Variants in PDLIM5 observed in about 807,000 individuals in gnomAD.
The protein encoded by PDLIM5 is PDZ and LIM domain 5, also known as PDZ and LIM domain protein 5.
A neutral mutation model predicts 64.2 loss-of-function variants in PDLIM5; 34 were observed. The observed-to-expected ratio is 0.53, with a 90% CI of 0.40 to 0.71. The LOEUF is 0.71. PDLIM5 is among the 30% of genes least tolerant of loss of function. The pLI is 0.00. For synonymous variants in PDLIM5, 253 were observed against 269.1 expected (o/e 0.94, Z 0.59); for missense variants, 683 against 733.6 (o/e 0.93, Z 0.80).
intron 2 of PDLIM5, among the ~76,000 whole-genome samples, chr4:94,476,791 C>T (rs192584934): frequency 1.8e-4 from 27 of 152,212 alleles, no homozygotes; most frequent in African/African-American, 5.1e-4. Context: ...GGGTTCAAAT[C>T]GCAGTAGGGA....
At chr4:94,579,292 T>G (rs536709506) in intron 5 of PDLIM5, 1 of 296,164 alleles carries the variant, frequency 3.4e-6, no homozygotes, top group African/African-American at 2.2e-5. Context: ...ATTGCTGTTT[T>G]GCATCAAGTA....
intron 3 of PDLIM5, among the ~76,000 whole-genome samples, chr4:94,531,944 G>GA (rs35499595): frequency 4.6e-5 from 7 of 151,222 alleles, no homozygotes; most frequent in African/African-American, 1.7e-4. Flanking sequence ...AAAAGGGGGG[G>GA]AAAGCTTATA....
chr4:94,456,490 G>A lies in PDLIM5; in HGVS notation c.96+1106G>A, dbSNP rs888757133. ...TAAGATTACAGGCGTGAGCCACCGT[G>A]CCTGGCCCACACTGTTTTATACTTT... On this transcript the variant is annotated intron_variant, in intron 2 of 12. Coordinates refer to ENST00000317968, the MANE Select transcript of PDLIM5 (RefSeq NM_006457.5). 11 of 702,934 alleles carry A rather than the reference G, an allele frequency of 1.6e-5. No homozygotes were observed. In the African/African-American group the frequency reaches 1.6e-4, roughly 10 times the overall value. 43.5% of individuals were successfully genotyped at this position (702,934 alleles called of 1,614,324 possible).
chr4:94,609,900 C>T (rs77107413), intron 7 of PDLIM5, among the ~76,000 whole-genome samples: 6,170 of 152,260 alleles, frequency 0.041, 163 homozygotes, highest in Admixed American at 0.054. Context: ...AATAGGAATA[C>T]AGTCAGTGAA....
At chr4:94,484,039 T>A (rs1180962076) in intron 2 of PDLIM5, among the ~76,000 whole-genome samples, 2 of 152,218 alleles carry the variant, frequency 1.3e-5, no homozygotes, top group African/African-American at 4.8e-5. Context: ...GTTTCCTGCA[T>A]GTCTCCAGAA....
chr4:94,639,145 T>A (rs1578520901), intron 8 of PDLIM5, among the ~76,000 whole-genome samples: 1 of 152,098 alleles, frequency 6.6e-6, no homozygotes, highest in African/African-American at 2.4e-5. Flanking sequence ...GCATTACCGA[T>A]GGTGAAAACA....
chr4:94,576,484 A>G (rs1359492306), intron 5 of PDLIM5, among the ~76,000 whole-genome samples: 1 of 152,216 alleles, frequency 6.6e-6, no homozygotes, highest in Non-Finnish European at 1.5e-5. Flanking sequence ...CTAGGAGGTA[A>G]TCTTAGGAAA....
intron 7 of PDLIM5, among the ~76,000 whole-genome samples, chr4:94,589,710 C>G (rs560488191): frequency 1.8e-3 from 276 of 151,362 alleles, no homozygotes; most frequent in African/African-American, 6.4e-3. Flanking sequence ...TTCAACCTTT[C>G]TTTCTCTCTT....
chr4:94,609,605 C>A (rs1738198977), intron 7 of PDLIM5, among the ~76,000 whole-genome samples: 1 of 152,094 alleles, frequency 6.6e-6, no homozygotes, highest in Non-Finnish European at 1.5e-5. Flanking sequence ...CATAGCTTTA[C>A]TCTCAATATT....
chr4:94,482,041 A>G (rs112414934), intron 2 of PDLIM5, among the ~76,000 whole-genome samples: 1,803 of 151,164 alleles, frequency 0.012, 42 homozygotes, highest in African/African-American at 0.041. Context: ...AAAGTGTTAT[A>G]TTTTCTACTT....
At chr4:94,569,836 T>G (rs1395247045) in intron 3 of PDLIM5, among the ~76,000 whole-genome samples, 1 of 152,208 alleles carries the variant, frequency 6.6e-6, no homozygotes, top group Non-Finnish European at 1.5e-5. Flanking sequence ...ACAAAATGCT[T>G]TCTTTCTTAG....
chr4:94,478,299 T>C (rs555556941), intron 2 of PDLIM5, among the ~76,000 whole-genome samples: 13 of 150,382 alleles, frequency 8.6e-5, no homozygotes, highest in Admixed American at 2.0e-4. Flanking sequence ...ATATATATAA[T>C]GCAAAATACA....
chr4:94,609,706 A>T (rs1487868000), intron 7 of PDLIM5, among the ~76,000 whole-genome samples: 2 of 152,278 alleles, frequency 1.3e-5, no homozygotes, highest in East Asian at 3.9e-4. Flanking sequence ...CATAAGTCGT[A>T]TTAAAATGTC....
At chr4:94,589,193 T>C (rs1736484142) in intron 7 of PDLIM5, among the ~76,000 whole-genome samples, 1 of 152,162 alleles carries the variant, frequency 6.6e-6, no homozygotes, top group Admixed American at 6.5e-5. Flanking sequence ...AAACATGGTA[T>C]TTTCCACCAA....
intron 9 of PDLIM5, among the ~76,000 whole-genome samples, chr4:94,649,831 T>TA (rs948203662): frequency 5.3e-5 from 8 of 152,246 alleles, no homozygotes; most frequent in Non-Finnish European, 1.2e-4. Context: ...AGTAGACTTT[T>TA]AAAAAATTGT....
Position 94,665,254 on chromosome 4 carries a change from C to T in PDLIM5, c.*1187C>T, listed in dbSNP as rs1134984. ...ATCCCAGCACTTTGGGAGGCCAAGA[C>T]GGGCGGATCATGAGGTCAAGAGATC... On this transcript the variant is annotated 3_prime_UTR_variant, in exon 13 of 13. Coordinates refer to ENST00000317968, the MANE Select transcript of PDLIM5 (RefSeq NM_006457.5). 3.0e-3 allele frequency: 1,292 copies of T among 427,574 alleles called. 9 individuals carry two copies. Among genetic ancestry groups the T allele is most frequent in the Non-Finnish European group, 3.8e-3 (1,202 of 319,740 alleles). The allele number at this position is 427,574 out of a possible 1,614,324, so 26.5% of individuals were successfully genotyped here.
At chr4:94,561,166 T>A (rs566251658) in intron 3 of PDLIM5, among the ~76,000 whole-genome samples, 21 of 152,144 alleles carry the variant, frequency 1.4e-4, no homozygotes, top group Non-Finnish European at 3.1e-4. Flanking sequence ...AATAAAATAA[T>A]TAGCTAATAT....
At chr4:94,484,454 A>G (rs1298648791) in intron 2 of PDLIM5, among the ~76,000 whole-genome samples, 2 of 152,230 alleles carry the variant, frequency 1.3e-5, no homozygotes, top group South Asian at 2.1e-4. Context: ...GGATCACTAT[A>G]TATAACTATG....
At chr4:94,573,195 G>A (rs1348032292) in intron 3 of PDLIM5, among the ~76,000 whole-genome samples, 156 bp from the exon 4 acceptor site, 1 of 152,152 alleles carries the variant, frequency 6.6e-6, no homozygotes, top group Non-Finnish European at 1.5e-5. Flanking sequence ...TGAATTAGAA[G>A]ATTGTGAATA....
Sources: allele counts gnomAD v4.1 joint callset (sites outside exome capture counted in the v4.1 genomes callset), GRCh38; gene constraint gnomAD v4.1.1; transcripts MANE v1.5; gene names NCBI Gene and HGNC (gene_info 2026-07-23, HGNC 2026-07-21).